STIM1: variants seen among roughly 807,000 people sequenced by gnomAD.
The protein encoded by STIM1 is stromal interaction molecule 1.
In STIM1, 25 loss-of-function variants were observed where a neutral mutation model predicts 74.7. The ratio of observed to expected loss-of-function variants is 0.33; its 90% CI spans 0.24 to 0.47. The LOEUF is 0.47. Ranked by LOEUF, STIM1 falls within the 20% of genes least tolerant of loss-of-function variation. The pLI is 1.00. For synonymous variants in STIM1, 328 were observed against 348.8 expected, an observed-to-expected ratio of 0.94 and a Z score of 0.66; for missense variants, 728 against 920.8, an observed-to-expected ratio of 0.79 and a Z score of 2.71.
intron 3 of STIM1, among the ~76,000 whole-genome samples, chr11:4,048,097 G>A (rs565063612): frequency 1.6e-4 from 24 of 152,252 alleles, no homozygotes; most frequent in Admixed American, 1.3e-3. Flanking sequence ...GGGATTACAG[G>A]TGTTGAGCCA....
chr11:3,888,870 C>G (rs986310355), intron 1 of STIM1, among the ~76,000 whole-genome samples: 3 of 151,930 alleles, frequency 2.0e-5, no homozygotes, highest in Non-Finnish European at 2.9e-5. Context: ...GTCTTTAATG[C>G]AGTTTTGAGG....
intron 1 of STIM1, among the ~76,000 whole-genome samples, chr11:3,957,889 C>T (rs191793511): frequency 2.0e-5 from 3 of 151,250 alleles, no homozygotes; most frequent in Non-Finnish European, 4.4e-5. Context: ...TTTTTTTAGA[C>T]GAAGTCTCAC....
chr11:3,887,437 T>C (rs1447052784), intron 1 of STIM1, among the ~76,000 whole-genome samples: 4 of 152,160 alleles, frequency 2.6e-5, no homozygotes, highest in Non-Finnish European at 4.4e-5. Context: ...CAATGGACTG[T>C]AATGGCATGG....
intron 1 of STIM1, among the ~76,000 whole-genome samples, chr11:3,871,832 G>C (rs1322813487): frequency 3.9e-5 from 6 of 152,082 alleles, no homozygotes; most frequent in Non-Finnish European, 7.4e-5. Context: ...AGGTATTGTG[G>C]GGATAACAGA....
chr11:4,035,266 G>GTTTTTTTTTTT (rs55788240), intron 3 of STIM1, among the ~76,000 whole-genome samples: 2 of 136,618 alleles, frequency 1.5e-5, no homozygotes. Context: ...GGTGTATTGT[G>GTTTTTTTTTTT]TTTTTTTTTT....
chr11:4,003,957 G>C (rs1394775144), intron 2 of STIM1, among the ~76,000 whole-genome samples: 1 of 152,136 alleles, frequency 6.6e-6, no homozygotes, highest in Non-Finnish European at 1.5e-5. Flanking sequence ...CAGACAAACA[G>C]AGAGCCAAAT....
intron 1 of STIM1, among the ~76,000 whole-genome samples, chr11:3,922,201 T>C (rs1341307278): frequency 1.3e-5 from 2 of 152,208 alleles, no homozygotes; most frequent in African/African-American, 4.8e-5. Flanking sequence ...TTTTTTATTT[T>C]AGCCATTCTA....
chr11:3,896,250 G>A lies in STIM1; in HGVS notation c.139+39841G>A, dbSNP rs1394683457. ...CATTATATGTGGGACAAGGGGAAAG[G>A]AGAATGGTAAATACAGTTATTTTAT... is the stretch of plus-strand genomic sequence containing the variant. On this transcript the variant is annotated intron_variant, in intron 1 of 12. Transcript: ENST00000526596. Among the ~76,000 whole-genome samples the A allele has an allele frequency of 2.0e-5, 3 of 152,136 alleles. No homozygotes were observed. In the East Asian group the frequency reaches 5.8e-4, roughly 29 times the overall value.
At chr11:3,855,588 C>G (rs1218055728), upstream of STIM1, 11 of 102,746 alleles carry the variant, frequency 1.1e-4, no homozygotes, top group Non-Finnish European at 1.6e-4. Context: ...CGCTGGGGAC[C>G]GGGCGGCGCG....
At chr11:3,867,544 C>G (rs2090905733) in intron 1 of STIM1, among the ~76,000 whole-genome samples, 2 of 152,238 alleles carry the variant, frequency 1.3e-5, no homozygotes, top group Non-Finnish European at 2.9e-5. Context: ...GGTTCCCACT[C>G]CTGGGCTTGT....
intron 3 of STIM1, among the ~76,000 whole-genome samples, chr11:4,028,568 C>A (rs1590659816): frequency 6.6e-6 from 1 of 151,624 alleles, no homozygotes; most frequent in Admixed American, 6.6e-5. Context: ...ACCCCCACGC[C>A]CGGCTAATTT....
intron 1 of STIM1, among the ~76,000 whole-genome samples, chr11:3,935,732 G>T (rs900920844): frequency 1.4e-5 from 2 of 139,814 alleles, no homozygotes; most frequent in African/African-American, 5.0e-5. Context: ...ATTTTATCTG[G>T]TGAAAACCAG....
At chr11:3,950,430 C>T (rs750265474) in intron 1 of STIM1, among the ~76,000 whole-genome samples, 37 of 152,292 alleles carry the variant, frequency 2.4e-4, no homozygotes, top group Admixed American at 1.6e-3. Context: ...CTGTGCCTGG[C>T]TGGGCATTCC....
At chr11:3,961,283 C>A in intron 1 of STIM1, 1 of 230,536 alleles carries the variant, frequency 4.3e-6, no homozygotes. Context: ...CTGTACCTGG[C>A]CCTGCAGGCT....
intron 3 of STIM1, among the ~76,000 whole-genome samples, chr11:4,044,786 GC>G (rs1412971201): frequency 7.9e-5 from 12 of 152,232 alleles, no homozygotes; most frequent in East Asian, 1.9e-4. Context: ...GAGTGTATTG[GC>G]CCCCTTGGCA....
intron 4 of STIM1, chr11:4,058,988 A>G (rs1590681417): frequency 8.6e-7 from 1 of 1,167,526 alleles, no homozygotes. Context: ...AAGGAGAAGC[A>G]CAACAGAAAA....
intron 1 of STIM1, among the ~76,000 whole-genome samples, chr11:3,925,988 T>G (rs1231949677): frequency 6.6e-6 from 1 of 152,192 alleles, no homozygotes; most frequent in Non-Finnish European, 1.5e-5. Flanking sequence ...TTGAACCAAT[T>G]AGATTGTTTT....
intron 1 of STIM1, among the ~76,000 whole-genome samples, chr11:3,891,096 G>T (rs1220150622): frequency 6.6e-6 from 1 of 152,050 alleles, no homozygotes; most frequent in Admixed American, 6.6e-5. Context: ...TATATGTCAG[G>T]TACAATTACA....
chr11:3,893,474 C>T (rs939510057), intron 1 of STIM1, among the ~76,000 whole-genome samples: 4 of 152,178 alleles, frequency 2.6e-5, no homozygotes, highest in African/African-American at 4.8e-5. Flanking sequence ...CATCATAGGA[C>T]ATAAACCTAC....
Sources: allele counts gnomAD v4.1 joint callset (sites outside exome capture counted in the v4.1 genomes callset), GRCh38; gene constraint gnomAD v4.1.1; transcripts MANE v1.5; gene names NCBI Gene and HGNC (gene_info 2026-07-23, HGNC 2026-07-21).